Variants in DCAF6 observed in about 807,000 individuals in gnomAD.
DCAF6 encodes DDB1- and CUL4-associated factor 6.
A neutral mutation model predicts 125.1 loss-of-function variants in DCAF6; 54 were observed. That is an observed-to-expected ratio of 0.43 (90% CI 0.35 to 0.54). DCAF6 has a LOEUF of 0.54. Ranked by LOEUF, DCAF6 falls within the 20% of genes least tolerant of loss-of-function variation. DCAF6 has a pLI of 0.01. For synonymous variants in DCAF6, 371 were observed against 390.4 expected (o/e 0.95, Z 0.58); for missense variants, 934 against 1,161.7 (o/e 0.80, Z 2.85).
the DCAF6 span, among the ~76,000 whole-genome samples, chr1:167,896,433 T>A: frequency 6.6e-6 from 1 of 151,974 alleles, no homozygotes; most frequent in East Asian, 1.9e-4. Flanking sequence ...ATACTTAGAA[T>A]TGCTGTCCCG....
In DCAF6 at chr1:168,038,805, T is replaced by C. The variant is rs149386525; in HGVS notation, c.1727+317T>C. Among the ~76,000 whole-genome samples, 407 of 152,124 alleles carry C rather than the reference T, an allele frequency of 2.7e-3. 2 individuals carry two copies. Among genetic ancestry groups the C allele is most frequent in the African/African-American group, 9.5e-3 (395 of 41,526 alleles). ...TAATACTAATAATAATAATTAAAAT[T>C]AGTGCAAAAATATAAACATTTTGGG... On this transcript the variant is annotated intron_variant, in intron 13 of 21. Transcript: ENST00000367840.
At chr1:167,880,578 G>A in the DCAF6 span, 1 of 1,614,010 alleles carries the variant, frequency 6.2e-7, no homozygotes, top group South Asian at 1.1e-5. Context: ...CTTTTCCCCA[G>A]GGAAGCCAAA....
At chr1:168,023,216 G>T in intron 12 of DCAF6, 169 bp downstream of exon 12, 1 of 670,810 alleles carries the variant, frequency 1.5e-6, no homozygotes, top group South Asian at 2.0e-5. Context: ...AGGTCTTTTT[G>T]GCCTATACAG....
In DCAF6 at chr1:168,051,587, T is replaced by C. The variant is rs75889027; in HGVS notation, c.2300+654T>C. 2.9e-3 allele frequency among the ~76,000 whole-genome samples: 448 copies of C among 152,332 alleles called. 1 individual carries two copies. The highest frequency in any genetic ancestry group is 0.01 in the African/African-American group (425 of 41,564). ...TAACTCTAGAGGCATATATCTGTTA[T>C]TTACCATCAGTTTCTAAAACAGTTG... is the stretch of plus-strand genomic sequence containing the variant. On this transcript the variant is annotated intron_variant, in intron 17 of 21. Coordinates refer to ENST00000367840, the MANE Select transcript of DCAF6 (RefSeq NM_001198956.2).
chr1:167,947,007 T>C (rs936884508), intron 1 of DCAF6, among the ~76,000 whole-genome samples: 2 of 152,188 alleles, frequency 1.3e-5, no homozygotes, highest in Non-Finnish European at 2.9e-5. Context: ...GGTACTGGGC[T>C]TTTCTTTGTT....
chr1:167,929,731 T>G, the DCAF6 span, among the ~76,000 whole-genome samples: 1 of 152,176 alleles, frequency 6.6e-6, no homozygotes, highest in African/African-American at 2.4e-5. Flanking sequence ...AAGTAAAGAC[T>G]AACTTTTTGG....
At chr1:168,024,525 G>T (rs527412825) in intron 12 of DCAF6, among the ~76,000 whole-genome samples, 35 of 152,226 alleles carry the variant, frequency 2.3e-4, no homozygotes, top group Non-Finnish European at 4.4e-4. Context: ...TCCTTATGGG[G>T]CCAGGCGTGG....
At chr1:168,026,719 T>G (rs2103270894) in intron 12 of DCAF6, among the ~76,000 whole-genome samples, 1 of 152,168 alleles carries the variant, frequency 6.6e-6, no homozygotes, top group Middle Eastern at 3.4e-3. Flanking sequence ...TGAGTTTTTT[T>G]TTAATGTTAA....
chr1:167,978,148 T>A (rs1678539229), intron 4 of DCAF6, among the ~76,000 whole-genome samples: 1 of 152,254 alleles, frequency 6.6e-6, no homozygotes, highest in South Asian at 2.1e-4. Context: ...AATTGATTTA[T>A]CTGTTCTATG....
intron 12 of DCAF6, among the ~76,000 whole-genome samples, chr1:168,026,557 A>AGGCCGGGCGCGGTGGCTCACGCCTGT (rs1686366733): frequency 6.6e-6 from 1 of 152,120 alleles, no homozygotes; most frequent in African/African-American, 2.4e-5. Context: ...AAAATAGTTG[A>AGGCCGGGCGCGGTGGCTCACGCCTGT]AAGGTTGAAT....
intron 16 of DCAF6, among the ~76,000 whole-genome samples, chr1:168,046,581 T>G (rs566923337): frequency 6.6e-6 from 1 of 152,170 alleles, no homozygotes; most frequent in Non-Finnish European, 1.5e-5. Context: ...AAACATCTTC[T>G]CTTTACCTGT....
intron 2 of DCAF6, among the ~76,000 whole-genome samples, chr1:167,962,434 T>C (rs1159591155): frequency 6.6e-6 from 1 of 152,100 alleles, no homozygotes; most frequent in Non-Finnish European, 1.5e-5. Context: ...CTGACCTCTT[T>C]ATCGTTATGA....
chr1:167,904,911 C>T, the DCAF6 span: 2 of 1,598,014 alleles, frequency 1.3e-6, no homozygotes, highest in Non-Finnish European at 1.7e-6. Flanking sequence ...GGCCTCCCTA[C>T]TCTGCAATCA....
At chr1:167,957,009 TAAA>T (rs1674886595) in intron 2 of DCAF6, among the ~76,000 whole-genome samples, 1 of 152,148 alleles carries the variant, frequency 6.6e-6, no homozygotes, top group Non-Finnish European at 1.5e-5. Context: ...CTTGTACACT[TAAA>T]AAATGTATAT....
At chr1:167,958,914 A>G (rs1407983181) in intron 2 of DCAF6, among the ~76,000 whole-genome samples, 4 of 152,214 alleles carry the variant, frequency 2.6e-5, no homozygotes, top group Admixed American at 2.6e-4. Context: ...AGTTTACAAT[A>G]GGGCTCACTC....
intron 4 of DCAF6, among the ~76,000 whole-genome samples, chr1:167,980,101 A>G (rs1257069395): frequency 1.3e-5 from 2 of 152,124 alleles, no homozygotes; most frequent in African/African-American, 4.8e-5. Context: ...GAATCACTTG[A>G]ACACGGGAGG....
At chr1:167,868,912 G>A in the DCAF6 span, among the ~76,000 whole-genome samples, 2 of 152,096 alleles carry the variant, frequency 1.3e-5, no homozygotes, top group Non-Finnish European at 2.9e-5. Flanking sequence ...AACCAGTCAA[G>A]CCTTGACTAT....
At chr1:167,959,304 A>G (rs2102773706) in intron 2 of DCAF6, among the ~76,000 whole-genome samples, 1 of 152,336 alleles carries the variant, frequency 6.6e-6, no homozygotes, top group African/African-American at 2.4e-5. Context: ...GGTGCTTCCA[A>G]AAATTGGCAG....
intron 4 of DCAF6, among the ~76,000 whole-genome samples, chr1:167,980,062 T>C (rs76533012): frequency 0.03 from 4,566 of 151,852 alleles, 238 homozygotes; most frequent in African/African-American, 0.11. Flanking sequence ...GTGCCTATAG[T>C]CCCAGTTACT....
Sources: gnomAD v4.1 joint callset for allele counts (sites outside exome capture counted in the v4.1 genomes callset) on GRCh38, gnomAD v4.1.1 for gene constraint, MANE v1.5 for transcripts, NCBI Gene and HGNC (gene_info 2026-07-23, HGNC 2026-07-21) for gene names.